GPHN: variants seen among roughly 807,000 people sequenced by gnomAD.
GPHN encodes gephyrin.
A neutral mutation model predicts 95.5 loss-of-function variants in GPHN; 17 were observed. That is an observed-to-expected ratio of 0.18 (90% CI 0.12 to 0.27). The LOEUF is 0.27. Among genes scored for constraint, GPHN ranks in the 10% least tolerant of loss-of-function variants. GPHN has a pLI of 1.00. For synonymous variants in GPHN, 320 were observed against 322.5 expected (o/e 0.99, Z 0.08); for missense variants, 660 against 978.1 (o/e 0.67, Z 4.34).
chr14:66,802,731 G>T (rs535377077), intron 3 of GPHN, among the ~76,000 whole-genome samples: 23 of 152,148 alleles, frequency 1.5e-4, no homozygotes, highest in Admixed American at 7.9e-4. Flanking sequence ...CTGGTCCAGG[G>T]TGTATCTAGA....
chr14:66,945,017 G>A (rs1411836803), intron 8 of GPHN, among the ~76,000 whole-genome samples: 1 of 152,132 alleles, frequency 6.6e-6, no homozygotes, highest in Non-Finnish European at 1.5e-5. Context: ...ACATAGAAGT[G>A]AAAGGAAAAA....
At chr14:66,879,023 A>T (rs956197872) in intron 4 of GPHN, among the ~76,000 whole-genome samples, 4 of 152,216 alleles carry the variant, frequency 2.6e-5, no homozygotes, top group Non-Finnish European at 4.4e-5. Flanking sequence ...AATGCTATGC[A>T]GCCATAAAAA....
chr14:67,341,958 T>G, the GPHN span, among the ~76,000 whole-genome samples: 2 of 151,822 alleles, frequency 1.3e-5, no homozygotes, highest in African/African-American at 4.8e-5. Context: ...GTGCAAGATG[T>G]GCTTTGTTAA....
intron 2 of GPHN, among the ~76,000 whole-genome samples, chr14:66,709,881 T>C (rs1222434116): frequency 1.3e-5 from 2 of 151,734 alleles, no homozygotes; most frequent in Non-Finnish European, 2.9e-5. Flanking sequence ...ATTTGAGTTA[T>C]CAGTGTCAAG....
intron 8 of GPHN, among the ~76,000 whole-genome samples, chr14:66,951,535 A>G (rs1486578196): frequency 6.6e-6 from 1 of 151,720 alleles, no homozygotes; most frequent in Non-Finnish European, 1.5e-5. Flanking sequence ...AAAAAAAGGA[A>G]GGGATAAAGA....
chr14:67,699,207 C>T, the GPHN span, among the ~76,000 whole-genome samples: 3 of 151,376 alleles, frequency 2.0e-5, no homozygotes, highest in African/African-American at 4.9e-5. Context: ...GAGCCAAGTT[C>T]GCGCCATTGC....
At chr14:67,458,650 T>C in the GPHN span, among the ~76,000 whole-genome samples, 4 of 152,322 alleles carry the variant, frequency 2.6e-5, no homozygotes, top group African/African-American at 9.6e-5. Flanking sequence ...AGGTCCTGTT[T>C]AGTCTTTTCA....
At chr14:67,505,228 A>T in the GPHN span, among the ~76,000 whole-genome samples, 37 of 152,218 alleles carry the variant, frequency 2.4e-4, no homozygotes, top group African/African-American at 8.4e-4. Flanking sequence ...GACTGGGGAA[A>T]AATCTTTGTG....
At chr14:67,173,999 T>A (rs1177340527) in intron 21 of GPHN, among the ~76,000 whole-genome samples, 4 of 152,058 alleles carry the variant, frequency 2.6e-5, no homozygotes, top group Non-Finnish European at 1.5e-5. Context: ...TTACCCACTC[T>A]GAAGGGGAAA....
At chr14:67,109,430 A>G (rs1015180337) in intron 13 of GPHN, among the ~76,000 whole-genome samples, 6 of 152,210 alleles carry the variant, frequency 3.9e-5, no homozygotes, top group African/African-American at 2.4e-5. Flanking sequence ...GCTTTTCCTC[A>G]TGTTGTAAGA....
At chr14:67,729,648 G>C in the GPHN span, 4 of 605,394 alleles carry the variant, frequency 6.6e-6, no homozygotes, top group Admixed American at 7.6e-5. Flanking sequence ...TTTTAAAGAA[G>C]ACTGTCGCTG....
At chr14:67,316,949 C>T in the GPHN span, 1 of 1,445,716 alleles carries the variant, frequency 6.9e-7, no homozygotes, top group Non-Finnish European at 9.6e-7. Flanking sequence ...CTTGGGTCTT[C>T]ATCTGGAGCC....
At chr14:66,712,250 C>A (rs527992196) in intron 2 of GPHN, among the ~76,000 whole-genome samples, 1 of 152,180 alleles carries the variant, frequency 6.6e-6, no homozygotes, top group African/African-American at 2.4e-5. Flanking sequence ...TCTCCAGCAC[C>A]TGTTGTTTCC....
chr14:66,878,718 G>C (rs375860068), intron 4 of GPHN, among the ~76,000 whole-genome samples: 8 of 152,286 alleles, frequency 5.3e-5, no homozygotes, highest in African/African-American at 1.7e-4. Context: ...GGAAACCATA[G>C]ATGCTGGATA....
chr14:66,803,740 ATTG>A (rs1407280096), intron 3 of GPHN, among the ~76,000 whole-genome samples: 1 of 147,008 alleles, frequency 6.8e-6, no homozygotes, highest in African/African-American at 2.5e-5. Context: ...AGGTTTTTTT[ATTG>A]TTGTTGATCT....
At position 67,126,990 on chromosome 14, in the gene GPHN, G is replaced by A. The variant is rs1344912446; in HGVS notation, c.1748+4613G>A. Among the ~76,000 whole-genome samples the A allele has an allele frequency of 3.3e-5, 5 of 151,302 alleles. No homozygotes were observed. In the South Asian group the frequency reaches 6.3e-4, roughly 19 times the overall value. On this transcript the variant is annotated intron_variant, in intron 17 of 22. Transcript: ENST00000478722. ...AAATGATCATTCTCAGTAAACTATC[G>A]CAAGGACAAAAAACCAAACACCGCA... is the stretch of plus-strand genomic sequence containing the variant.
At chr14:67,584,227 A>T in the GPHN span, 1 of 1,125,516 alleles carries the variant, frequency 8.9e-7, no homozygotes, top group Non-Finnish European at 1.3e-6. Context: ...ACCAGTAACC[A>T]CCAGAGGTCA....
the GPHN span, among the ~76,000 whole-genome samples, chr14:67,644,041 C>T: frequency 6.6e-6 from 1 of 152,128 alleles, no homozygotes. Context: ...GGTCAAGTCT[C>T]ACTGTTTGGG....
At chr14:66,694,675 C>G (rs532813448) in intron 2 of GPHN, among the ~76,000 whole-genome samples, 1 of 152,196 alleles carries the variant, frequency 6.6e-6, no homozygotes, top group South Asian at 2.1e-4. Flanking sequence ...ATTTTCAGCT[C>G]TAAAGGTACC....
Sources: gnomAD v4.1 joint callset for allele counts (sites outside exome capture counted in the v4.1 genomes callset) on GRCh38, gnomAD v4.1.1 for gene constraint, MANE v1.5 for transcripts, NCBI Gene and HGNC (gene_info 2026-07-23, HGNC 2026-07-21) for gene names.